The following SKA1 variants were observed in gnomAD, a reference collection of about 807,000 sequenced individuals.
The protein encoded by SKA1 is spindle and kinetochore associated complex subunit 1.
A neutral mutation model predicts 31.8 loss-of-function variants in SKA1; 20 were observed. That is an observed-to-expected ratio of 0.63 (90% CI 0.44 to 0.91). The LOEUF is 0.91. Ranked by LOEUF, SKA1 falls within the 40% of genes least tolerant of loss-of-function variation. The pLI is 0.00. For synonymous variants in SKA1, 88 were observed against 100.5 expected, an observed-to-expected ratio of 0.88 and a Z score of 0.74; for missense variants, 253 against 298.2, an observed-to-expected ratio of 0.85 and a Z score of 1.12.
intron 5 of SKA1, among the ~76,000 whole-genome samples, chr18:50,389,211 A>G (rs769386595): frequency 4.0e-5 from 6 of 151,864 alleles, no homozygotes; most frequent in Non-Finnish European, 4.4e-5. Flanking sequence ...GCCCAACCTA[A>G]TCTCACACCT....
At chr18:50,383,710 C>T (rs1039553234) in intron 4 of SKA1, among the ~76,000 whole-genome samples, 1 of 152,198 alleles carries the variant, frequency 6.6e-6, no homozygotes, top group Non-Finnish European at 1.5e-5. Context: ...CCTCAACTCT[C>T]AGGGATAGGT....
intron 5 of SKA1, 127 bp downstream of exon 5, chr18:50,385,480 A>G: frequency 1.1e-6 from 1 of 870,500 alleles, no homozygotes; most frequent in Non-Finnish European, 1.6e-6. Context: ...AAAGTTTCAC[A>G]TTATACTATG....
Position 50,393,926 on chromosome 18 carries a change from A to T in SKA1, c.*1679A>T, listed in dbSNP as rs971777497. On this transcript the variant is annotated 3_prime_UTR_variant, in exon 7 of 7. Coordinates refer to ENST00000285116, the MANE Select transcript of SKA1 (RefSeq NM_145060.4). Reference sequence around the variant, plus strand: ...CCTCCAGAGAGGGGAGAGGGGCTGGAGATTTGTGTCAATAATCCATCAGGC... The same window carrying T: ...CCTCCAGAGAGGGGAGAGGGGCTGGTGATTTGTGTCAATAATCCATCAGGC... 1 of 152,160 alleles carries T rather than the reference A, an allele frequency of 6.6e-6. No individual in the cohort carries two copies. The highest frequency in any genetic ancestry group is 2.4e-5 in the African/African-American group (1 of 41,432). 9.4% of individuals were successfully genotyped at this position (152,160 alleles called of 1,614,324 possible).
Position 50,382,233 on chromosome 18 carries a change from G to T in SKA1, c.311+7G>T. 2.1e-6 allele frequency: 3 copies of T among 1,445,932 alleles called. No homozygotes were observed. The highest frequency in any genetic ancestry group is 2.8e-6 in the Non-Finnish European group (3 of 1,084,738). 89.6% of individuals were successfully genotyped at this position (1,445,932 alleles called of 1,614,324 possible). On this transcript the variant is annotated splice_region_variant and intron_variant, in intron 4 of 6. Coordinates refer to ENST00000285116, the MANE Select transcript of SKA1 (RefSeq NM_145060.4). The stretch of plus-strand genomic sequence containing the variant: ...TAACAGTAACCCAGAGCTGGTAAGT[G>T]TATTTATAATTATTCTTGCTATCTG...
At chr18:50,389,742 G>A (rs2041342314) in intron 5 of SKA1, among the ~76,000 whole-genome samples, 1 of 152,142 alleles carries the variant, frequency 6.6e-6, no homozygotes, top group Non-Finnish European at 1.5e-5. Flanking sequence ...ACTGTTTGAT[G>A]CTCTGATGCT....
rs780633414 is a variant in SKA1 at position 50,392,133 on chromosome 18, G to A, written c.654G>A (p.Glu218=). 2.5e-6 allele frequency: 4 copies of A among 1,604,942 alleles called. No homozygotes were observed. The highest frequency in any genetic ancestry group is 3.4e-6 in the Non-Finnish European group (4 of 1,178,002). The change falls in exon 7 of 7, where the codon GAG becomes GAA. Residue 218 remains glutamate, a synonymous_variant. Coordinates refer to ENST00000285116, the MANE Select transcript of SKA1 (RefSeq NM_145060.4). ...RYFIVEADIK[E]FTTLKADKKF... ...TTATAGTGGAAGCTGACATAAAGGA[G>A]TTCACAACTTTGAAAGCTGACAAGA...
At chr18:50,389,724 T>C (rs1459775311) in intron 5 of SKA1, among the ~76,000 whole-genome samples, 3 of 152,174 alleles carry the variant, frequency 2.0e-5, no homozygotes, top group Non-Finnish European at 4.4e-5. Flanking sequence ...AGCTTTATTT[T>C]CATGAAAACT....
chr18:50,386,689 T>C (rs1290490668), intron 5 of SKA1, among the ~76,000 whole-genome samples: 1 of 152,206 alleles, frequency 6.6e-6, no homozygotes, highest in Non-Finnish European at 1.5e-5. Context: ...TTCACTATCC[T>C]AAAAAGTTTC....
chr18:50,389,339 G>C (rs1164145062), intron 5 of SKA1, among the ~76,000 whole-genome samples: 2 of 150,808 alleles, frequency 1.3e-5, no homozygotes, highest in South Asian at 2.1e-4. Flanking sequence ...CTTTTTCTGG[G>C]GGGGAGAGGG....
At chr18:50,376,558 C>CAGTA (rs111816611) in intron 2 of SKA1, among the ~76,000 whole-genome samples, 1 of 151,570 alleles carries the variant, frequency 6.6e-6, no homozygotes, top group Non-Finnish European at 1.5e-5. Flanking sequence ...GTGGGTGAGA[C>CAGTA]AGTGACTGTG....
intron 2 of SKA1, among the ~76,000 whole-genome samples, chr18:50,377,634 A>C (rs187023797): frequency 1.1e-4 from 16 of 152,372 alleles, no homozygotes; most frequent in Admixed American, 9.1e-4. Flanking sequence ...AAAGAATTAC[A>C]TACTCCCTAA....
chr18:50,385,499 G>A (rs988484310), intron 5 of SKA1, 146 bp downstream of exon 5: 3 of 769,100 alleles, frequency 3.9e-6, no homozygotes, highest in Admixed American at 3.6e-5. Context: ...TGAAAATGCA[G>A]TAAATTTTTT....
chr18:50,378,260 T>C (rs1030510242), intron 2 of SKA1, among the ~76,000 whole-genome samples: 11 of 152,144 alleles, frequency 7.2e-5, no homozygotes, highest in African/African-American at 2.4e-4. Context: ...GTCAGACCCA[T>C]GAGATCCTTA....
chr18:50,387,326 A>G (rs8099494), intron 5 of SKA1, among the ~76,000 whole-genome samples: 9,813 of 152,296 alleles, frequency 0.064, 889 homozygotes, highest in African/African-American at 0.2. Context: ...CGAAGGAAGC[A>G]CTGAGCATCT....
chr18:50,380,695 A>C (rs944500088), intron 3 of SKA1, among the ~76,000 whole-genome samples: 2 of 152,158 alleles, frequency 1.3e-5, no homozygotes, highest in African/African-American at 2.4e-5. Context: ...GCTCCCTTAT[A>C]TGTCTATATT....
chr18:50,392,755 A>T lies in SKA1; in HGVS notation c.*508A>T, dbSNP rs1943683083. The T allele has an allele frequency of 7.0e-6, 1 of 143,574 alleles. No homozygotes were observed. The highest frequency in any genetic ancestry group is 1.5e-5 in the Non-Finnish European group (1 of 66,450). The allele number at this position is 143,574 out of a possible 1,614,324, so 8.9% of individuals were successfully genotyped here. A position where few individuals can be genotyped will look rare whatever the true frequency, so the allele number is the denominator to read the frequency against. On this transcript the variant is annotated 3_prime_UTR_variant, in exon 7 of 7. Transcript: ENST00000285116. ...TTTTCTTTTTTTTTTTTTTTGAGACAGTCTCGCTCTTTCACCCAGGCCGGA... is the reference window on the plus strand; with the variant it reads ...TTTTCTTTTTTTTTTTTTTTGAGACTGTCTCGCTCTTTCACCCAGGCCGGA...
In SKA1 at chr18:50,380,121, A is replaced by T; in HGVS notation, c.89-5A>T. ...TGTTTTCTATTTTATTTTTGTTTAT[A>T]ACAGGCCAGGAACCTACCTTGAAAA... On this transcript the variant is annotated splice_region_variant and splice_polypyrimidine_tract_variant and intron_variant, in intron 2 of 6. Transcript: ENST00000285116. 1 of 1,510,442 alleles carries T rather than the reference A, an allele frequency of 6.6e-7. No individual in the cohort carries two copies. Among genetic ancestry groups the T allele is most frequent in the Non-Finnish European group, 8.8e-7 (1 of 1,137,558 alleles). The allele number at this position is 1,510,442 out of a possible 1,614,324, so 93.6% of individuals were successfully genotyped here. A position where few individuals can be genotyped will look rare whatever the true frequency, so the allele number is the denominator to read the frequency against.
chr18:50,381,839 C>CA (rs1413999454), intron 3 of SKA1, among the ~76,000 whole-genome samples: 1 of 151,870 alleles, frequency 6.6e-6, no homozygotes, highest in Non-Finnish European at 1.5e-5. Context: ...AGTTCTCCCC[C>CA]CTCAGCCTCC....
At chr18:50,390,376 A>G (rs2041346952) in intron 5 of SKA1, among the ~76,000 whole-genome samples, 1 of 152,240 alleles carries the variant, frequency 6.6e-6, no homozygotes, top group Non-Finnish European at 1.5e-5. Flanking sequence ...GCAGATCATC[A>G]AGTTTTGTTT....
Sources: allele counts gnomAD v4.1 joint callset (sites outside exome capture counted in the v4.1 genomes callset), GRCh38; gene constraint gnomAD v4.1.1; transcripts MANE v1.5; gene names NCBI Gene and HGNC (gene_info 2026-07-23, HGNC 2026-07-21).